Variants in DPP10 observed in about 807,000 individuals in gnomAD.
DPP10 encodes inactive dipeptidyl peptidase 10.
A neutral mutation model predicts 120.9 loss-of-function variants in DPP10; 33 were observed. That is an observed-to-expected ratio of 0.27 (90% CI 0.21 to 0.37). The LOEUF is 0.37. Ranked by LOEUF, DPP10 falls within the 10% of genes least tolerant of loss-of-function variation. DPP10 has a pLI of 1.00. For synonymous variants in DPP10, 337 were observed against 326.1 expected (o/e 1.03, Z -0.36); for missense variants, 816 against 942.8 (o/e 0.87, Z 1.76).
At position 115,786,992 on chromosome 2, in the gene DPP10, C is replaced by T. The variant is rs2149893074; in HGVS notation, c.1532-4089C>T. On this transcript the variant is annotated intron_variant, in intron 17 of 25. Coordinates refer to ENST00000410059, the MANE Select transcript of DPP10 (RefSeq NM_020868.6). ...GGATTTGCTCAAGTTATAATCAGCA[C>T]AGTAGTGGAACATTTAGAAGAGATC... is the stretch of plus-strand genomic sequence containing the variant. 2.0e-5 allele frequency among the ~76,000 whole-genome samples: 3 copies of T among 152,266 alleles called. No individual in the cohort carries two copies. In the Middle Eastern group the frequency reaches 0.01, roughly 518 times the overall value.
intron 1 of DPP10, among the ~76,000 whole-genome samples, chr2:114,623,906 A>G (rs1457061660): frequency 2.0e-5 from 3 of 152,086 alleles, no homozygotes; most frequent in Admixed American, 2.0e-4. Flanking sequence ...TTTAGTATTT[A>G]AAATACAAAT....
At chr2:114,484,629 C>A (rs753763804) in intron 1 of DPP10, among the ~76,000 whole-genome samples, 113 of 152,096 alleles carry the variant, frequency 7.4e-4, no homozygotes, top group Non-Finnish European at 1.2e-3. Flanking sequence ...CAAGGTCTAG[C>A]AGCAGTGGCT....
At chr2:115,531,331 G>C (rs746290933) in intron 5 of DPP10, among the ~76,000 whole-genome samples, 3 of 152,054 alleles carry the variant, frequency 2.0e-5, no homozygotes, top group Middle Eastern at 3.2e-3. Flanking sequence ...ATTCAAGACT[G>C]AGAACCAGTG....
intron 1 of DPP10, among the ~76,000 whole-genome samples, chr2:115,184,988 T>C (rs2054332120): frequency 6.6e-6 from 1 of 152,228 alleles, no homozygotes; most frequent in African/African-American, 2.4e-5. Flanking sequence ...TTTATATAGC[T>C]GTCCTTTGTT....
intron 1 of DPP10, among the ~76,000 whole-genome samples, chr2:114,527,801 G>A (rs1291845019): frequency 6.6e-6 from 1 of 152,108 alleles, no homozygotes; most frequent in Non-Finnish European, 1.5e-5. Flanking sequence ...TTGCTCCTAA[G>A]ATACAAACCT....
chr2:114,607,824 G>A (rs1292274998), intron 1 of DPP10, among the ~76,000 whole-genome samples: 3 of 152,186 alleles, frequency 2.0e-5, no homozygotes, highest in Non-Finnish European at 4.4e-5. Flanking sequence ...TATGTGGTTT[G>A]GACACGAAGT....
intron 1 of DPP10, among the ~76,000 whole-genome samples, chr2:114,673,072 TGGATGCAAA>T (rs1016694094): frequency 6.6e-6 from 1 of 152,166 alleles, no homozygotes; most frequent in African/African-American, 2.4e-5. Flanking sequence ...TTGTATCTAG[TGGATGCAAA>T]GGGTAAGAAG....
At chr2:115,540,534 A>T (rs1177606458) in intron 5 of DPP10, among the ~76,000 whole-genome samples, 1 of 151,878 alleles carries the variant, frequency 6.6e-6, no homozygotes, top group African/African-American at 2.4e-5. Context: ...AATAAGAGAT[A>T]CCTTACAGGC....
At chr2:115,074,729 T>A (rs528160513) in intron 1 of DPP10, among the ~76,000 whole-genome samples, 2 of 152,230 alleles carry the variant, frequency 1.3e-5, no homozygotes, top group African/African-American at 4.8e-5. Context: ...GTTTGGGTGC[T>A]GGAGTCAACT....
rs151242476 is a variant in DPP10 at position 115,035,107 on chromosome 2, T to A, written c.61-274132T>A. Among the ~76,000 whole-genome samples, 148 of 152,384 alleles carry A rather than the reference T, an allele frequency of 9.7e-4. 1 individual carries two copies. The Middle Eastern group carries it at 0.02, about 21-fold the overall frequency. On this transcript the variant is annotated intron_variant, in intron 1 of 25. Coordinates refer to ENST00000410059, the MANE Select transcript of DPP10 (RefSeq NM_020868.6). Reference sequence around the variant, plus strand: ...TCCAGTTAGAACTGCTTCTCAACCCTAAGACTGACCATGCCCCGACATATT... The same window carrying A: ...TCCAGTTAGAACTGCTTCTCAACCCAAAGACTGACCATGCCCCGACATATT...
intron 5 of DPP10, among the ~76,000 whole-genome samples, chr2:115,609,083 T>C (rs2083903290): frequency 6.6e-6 from 1 of 151,920 alleles, no homozygotes; most frequent in Non-Finnish European, 1.5e-5. Flanking sequence ...AATTCCCAAA[T>C]GTAGAAAATA....
At chr2:115,014,984 G>A (rs1181415560) in intron 1 of DPP10, among the ~76,000 whole-genome samples, 3 of 151,734 alleles carry the variant, frequency 2.0e-5, no homozygotes, top group African/African-American at 7.3e-5. Flanking sequence ...AGAGGGAATC[G>A]GCCCTAACTC....
intron 8 of DPP10, among the ~76,000 whole-genome samples, chr2:115,729,696 G>C (rs1400889998): frequency 6.6e-6 from 1 of 152,170 alleles, no homozygotes; most frequent in Non-Finnish European, 1.5e-5. Flanking sequence ...GATTGCTTGA[G>C]CTCGGGAGTT....
At chr2:115,612,304 ATGGAAAGCCATTC>A (rs1265485971) in intron 5 of DPP10, among the ~76,000 whole-genome samples, 3 of 152,194 alleles carry the variant, frequency 2.0e-5, no homozygotes, top group East Asian at 1.9e-4. Flanking sequence ...TGGACAAAAG[ATGGAAAGCCATTC>A]TGGAAAGCAA....
chr2:115,334,747 T>G (rs1324305905), intron 2 of DPP10, among the ~76,000 whole-genome samples: 1 of 151,932 alleles, frequency 6.6e-6, no homozygotes, highest in Non-Finnish European at 1.5e-5. Flanking sequence ...AATGTGAAGG[T>G]GCTTTATAGG....
intron 1 of DPP10, among the ~76,000 whole-genome samples, chr2:114,999,932 C>G (rs539516928): frequency 3.9e-5 from 6 of 152,242 alleles, no homozygotes; most frequent in Non-Finnish European, 5.9e-5. Context: ...ATACTTCCTG[C>G]TAATTCATTC....
intron 3 of DPP10, among the ~76,000 whole-genome samples, chr2:115,392,083 G>A (rs1427018650): frequency 6.6e-6 from 1 of 152,032 alleles, no homozygotes; most frequent in African/African-American, 2.4e-5. Context: ...GGTCATTAAG[G>A]TCCCTTTTAG....
chr2:114,449,292 G>GCA (rs1173467254), intron 1 of DPP10, among the ~76,000 whole-genome samples: 1 of 152,074 alleles, frequency 6.6e-6, no homozygotes, highest in African/African-American at 2.4e-5. Context: ...ACTGGAAGTA[G>GCA]CACACAACTG....
chr2:114,532,927 T>G (rs1409105325), intron 1 of DPP10, among the ~76,000 whole-genome samples: 1 of 152,166 alleles, frequency 6.6e-6, no homozygotes, highest in East Asian at 1.9e-4. Flanking sequence ...GACTCATCGT[T>G]CCCTACCTAC....
Sources: allele counts gnomAD v4.1 joint callset (sites outside exome capture counted in the v4.1 genomes callset), GRCh38; gene constraint gnomAD v4.1.1; transcripts MANE v1.5; gene names NCBI Gene and HGNC (gene_info 2026-07-23, HGNC 2026-07-21).